NFXL1: variants seen among roughly 807,000 people sequenced by gnomAD.
NFXL1 encodes NF-X1-type zinc finger protein NFXL1.
NFXL1 carries 66 observed loss-of-function variants against 123.3 expected under a neutral mutation model. The observed-to-expected ratio is 0.54, with a 90% CI of 0.44 to 0.66. NFXL1 has a LOEUF of 0.66. NFXL1 is among the 30% of genes least tolerant of loss of function. The pLI is 0.00. For missense variants in NFXL1, 944 were observed against 1,125.6 expected (o/e 0.84, Z 2.31); for synonymous variants, 346 against 360.8 (o/e 0.96, Z 0.46).
chr4:47,891,172 C>T (rs2110088612), intron 11 of NFXL1, among the ~76,000 whole-genome samples: 1 of 146,652 alleles, frequency 6.8e-6, no homozygotes, highest in East Asian at 2.0e-4. Context: ...AGTGTAATGG[C>T]ACAGTCTTGA....
chr4:47,855,006 C>A, intron 20 of NFXL1, 53 bp downstream of exon 20: 6 of 734,646 alleles, frequency 8.2e-6, no homozygotes, highest in South Asian at 4.7e-5. Context: ...ACAAGAAAAC[C>A]ACACAAAAAC....
chr4:47,878,637 C>A lies in NFXL1; in HGVS notation c.1967G>T (p.Gly656Val), dbSNP rs773141880. 6.3e-7 allele frequency: 1 copy of A among 1,598,508 alleles called. No individual in the cohort carries two copies. Among genetic ancestry groups the A allele is most frequent in the Non-Finnish European group, 8.5e-7 (1 of 1,172,930 alleles). Residue 656 changes from glycine to valine, a missense_variant, in exon 17 of 23, where the codon GGA (glycine) becomes GTA (valine). Physicochemically the swap from Gly to Val is moderately radical, Grantham distance 109. Coordinates refer to ENST00000507489, the MANE Select transcript of NFXL1 (RefSeq NM_001278624.2). ...EVSPLPCHAV[G>V]PYSCKRVCGR... ...ACAAACTCTTTTACAAGAGTAGGGT[C>A]CTACAGCATGGCATGGTAGTGGACT...
chr4:47,852,676 T>C (rs1000648539), intron 20 of NFXL1, among the ~76,000 whole-genome samples: 1 of 152,148 alleles, frequency 6.6e-6, no homozygotes, highest in African/African-American at 2.4e-5. Context: ...GACCAATTTC[T>C]GTACTACGAC....
At chr4:47,907,652 C>CA (rs1269451526) in intron 3 of NFXL1, among the ~76,000 whole-genome samples, 1 of 152,136 alleles carries the variant, frequency 6.6e-6, no homozygotes, top group Non-Finnish European at 1.5e-5. Flanking sequence ...GAATGGGAAT[C>CA]ATATACTAAT....
intron 18 of NFXL1, among the ~76,000 whole-genome samples, chr4:47,870,131 C>G (rs2110057949): frequency 6.6e-6 from 1 of 152,158 alleles, no homozygotes; most frequent in Admixed American, 6.5e-5. Context: ...CAGTTAATCC[C>G]AATGATACTA....
chr4:47,883,204 C>G (rs1736219331), intron 15 of NFXL1, among the ~76,000 whole-genome samples: 1 of 151,528 alleles, frequency 6.6e-6, no homozygotes, highest in South Asian at 2.1e-4. Flanking sequence ...GACATTGAAC[C>G]ACTGCACTCT....
chr4:47,904,866 C>T (rs1010720486), intron 4 of NFXL1, among the ~76,000 whole-genome samples: 1 of 151,956 alleles, frequency 6.6e-6, no homozygotes, highest in Non-Finnish European at 1.5e-5. Context: ...AGTGTTACTG[C>T]CAAGTTCTAC....
At chr4:47,855,571 T>C (rs977732844) in intron 19 of NFXL1, among the ~76,000 whole-genome samples, 2 of 151,824 alleles carry the variant, frequency 1.3e-5, no homozygotes, top group Non-Finnish European at 2.9e-5. Flanking sequence ...GGAGCGGTAA[T>C]GGAAACCATA....
intron 20 of NFXL1, among the ~76,000 whole-genome samples, chr4:47,852,452 A>T (rs549014539): frequency 6.6e-6 from 1 of 152,240 alleles, no homozygotes; most frequent in South Asian, 2.1e-4. Flanking sequence ...ATTCATTACA[A>T]TTTGCATTTA....
At chr4:47,849,726 G>A (rs1263475242) in intron 22 of NFXL1, among the ~76,000 whole-genome samples, 1 of 152,116 alleles carries the variant, frequency 6.6e-6, no homozygotes, top group South Asian at 2.1e-4. Context: ...ATTATGTGCT[G>A]TATACAGTGA....
chr4:47,875,034 T>C, intron 18 of NFXL1, 93 bp downstream of exon 18: 1 of 751,964 alleles, frequency 1.3e-6, no homozygotes, highest in Admixed American at 2.8e-5. Flanking sequence ...ATCTAGAGTT[T>C]AAGCAAAGTA....
rs1361942533 is a variant in NFXL1 at position 47,848,078 on chromosome 4, T to G, written c.*85A>C. On this transcript the variant is annotated 3_prime_UTR_variant, in exon 23 of 23. Transcript: ENST00000507489. ...GAGATGAATGTAAATATATATCATG[T>G]TCTATAATATACATTTTCTAATATT... The G allele has an allele frequency of 1.3e-6, 1 of 789,562 alleles. No individual in the cohort carries two copies. Among genetic ancestry groups the G allele is most frequent in the Non-Finnish European group, 2.0e-6 (1 of 504,048 alleles). The allele number at this position is 789,562 out of a possible 1,614,324, so 48.9% of individuals were successfully genotyped here.
chr4:47,881,620 G>C (rs914584711), intron 15 of NFXL1, among the ~76,000 whole-genome samples: 4 of 151,974 alleles, frequency 2.6e-5, no homozygotes, highest in Non-Finnish European at 4.4e-5. Flanking sequence ...TGCCAAACTT[G>C]GAAGCAACCA....
At chr4:47,849,391 AATT>A (rs1733991755) in intron 22 of NFXL1, among the ~76,000 whole-genome samples, 1 of 152,146 alleles carries the variant, frequency 6.6e-6, no homozygotes, top group South Asian at 2.1e-4. Context: ...GTGCATAGGT[AATT>A]AAGACAATAG....
chr4:47,863,167 C>G (rs1169077863), intron 18 of NFXL1, among the ~76,000 whole-genome samples: 1 of 152,084 alleles, frequency 6.6e-6, no homozygotes, highest in Admixed American at 6.5e-5. Context: ...ACAAAACACA[C>G]ACAAAATATC....
At chr4:47,902,043 A>G (rs1374929519) in intron 5 of NFXL1, among the ~76,000 whole-genome samples, 1 of 152,084 alleles carries the variant, frequency 6.6e-6, no homozygotes, top group Non-Finnish European at 1.5e-5. Context: ...TTAGCCAGGC[A>G]TGGTGGCAGG....
At chr4:47,854,994 GA>G in intron 20 of NFXL1, 64 bp downstream of exon 20, 1 of 487,868 alleles carries the variant, frequency 2.0e-6, no homozygotes, top group Non-Finnish European at 3.3e-6. Context: ...CAAAAAACAA[GA>G]ACAAGAAAAC....
chr4:47,872,730 G>A (rs1193932877), intron 18 of NFXL1, among the ~76,000 whole-genome samples: 5 of 152,144 alleles, frequency 3.3e-5, no homozygotes, highest in African/African-American at 1.2e-4. Flanking sequence ...ACTCATCTGA[G>A]CCTTCAGTCA....
chr4:47,883,262 A>G (rs1736224928), intron 15 of NFXL1, among the ~76,000 whole-genome samples: 1 of 152,062 alleles, frequency 6.6e-6, no homozygotes, highest in South Asian at 2.1e-4. Context: ...AACAAAAAAA[A>G]ACAGACTAAG....
Sources: gnomAD v4.1 joint callset for allele counts (sites outside exome capture counted in the v4.1 genomes callset) on GRCh38, gnomAD v4.1.1 for gene constraint, MANE v1.5 for transcripts, NCBI Gene and HGNC (gene_info 2026-07-23, HGNC 2026-07-21) for gene names.